Variants in C1QTNF7 observed in about 807,000 individuals in gnomAD.
C1QTNF7 encodes the protein complement C1q tumor necrosis factor-related protein 7.
A neutral mutation model predicts 19.6 loss-of-function variants in C1QTNF7; 15 were observed. The observed-to-expected ratio is 0.76, with a 90% CI of 0.51 to 1.18. C1QTNF7 has a LOEUF of 1.18. C1QTNF7 is among the 50% of genes most tolerant of loss of function. C1QTNF7 has a pLI of 0.00. For missense variants in C1QTNF7, 324 were observed against 359.7 expected (o/e 0.90, Z 0.80); for synonymous variants, 142 against 137.5 (o/e 1.03, Z -0.23).
At chr4:15,422,005 T>C (rs1290595022) in intron 1 of C1QTNF7, among the ~76,000 whole-genome samples, 4 of 152,010 alleles carry the variant, frequency 2.6e-5, no homozygotes, top group African/African-American at 7.2e-5. Context: ...AGATATATGA[T>C]CAGAGGTTGC....
At chr4:15,419,601 A>T (rs1470198228) in intron 1 of C1QTNF7, among the ~76,000 whole-genome samples, 1 of 152,246 alleles carries the variant, frequency 6.6e-6, no homozygotes, top group Non-Finnish European at 1.5e-5. Flanking sequence ...TGAGAAATAG[A>T]ACTAAATAAA....
At chr4:15,365,133 G>A (rs545102261) in intron 1 of C1QTNF7, among the ~76,000 whole-genome samples, 5 of 152,148 alleles carry the variant, frequency 3.3e-5, no homozygotes, top group African/African-American at 1.2e-4. Flanking sequence ...ACAAGCAAAC[G>A]AGCAGGTGTT....
chr4:15,441,831 C>T (rs563499084), intron 2 of C1QTNF7, among the ~76,000 whole-genome samples: 36 of 151,966 alleles, frequency 2.4e-4, no homozygotes, highest in Non-Finnish European at 5.0e-4. Flanking sequence ...ACCAGCCTGG[C>T]CAACATGGTG....
At chr4:15,354,985 G>T (rs952878762) in intron 1 of C1QTNF7, among the ~76,000 whole-genome samples, 1 of 152,114 alleles carries the variant, frequency 6.6e-6, no homozygotes, top group African/African-American at 2.4e-5. Flanking sequence ...GCCAGGGCGC[G>T]CTTTGGGGGA....
intron 1 of C1QTNF7, among the ~76,000 whole-genome samples, chr4:15,400,717 C>T (rs11731949): frequency 3.3e-5 from 5 of 152,158 alleles, no homozygotes; most frequent in Admixed American, 2.0e-4. Flanking sequence ...ATCAAAGAGG[C>T]TAAGTTAGGC....
At chr4:15,366,947 T>C (rs868018053) in intron 1 of C1QTNF7, among the ~76,000 whole-genome samples, 3 of 152,088 alleles carry the variant, frequency 2.0e-5, no homozygotes, top group East Asian at 1.9e-4. Context: ...AACTAAGAGA[T>C]TGGAAATTCA....
intron 1 of C1QTNF7, among the ~76,000 whole-genome samples, chr4:15,418,317 C>T (rs1711543390): frequency 6.6e-6 from 1 of 152,106 alleles, no homozygotes; most frequent in African/African-American, 2.4e-5. Context: ...CTCATGGAAC[C>T]CCATTGCTGT....
intron 1 of C1QTNF7, among the ~76,000 whole-genome samples, chr4:15,383,229 A>C (rs1201989013): frequency 6.6e-6 from 1 of 152,144 alleles, no homozygotes; most frequent in Non-Finnish European, 1.5e-5. Context: ...TGACAAATGC[A>C]ATCTCTTATC....
At chr4:15,356,102 C>CT (rs532103445) in intron 1 of C1QTNF7, among the ~76,000 whole-genome samples, 42 of 151,724 alleles carry the variant, frequency 2.8e-4, no homozygotes, top group Admixed American at 2.4e-3. Flanking sequence ...TTTTCAGTTT[C>CT]TTTTTTTTAT....
chr4:15,355,874 A>G (rs1339281313), intron 1 of C1QTNF7, among the ~76,000 whole-genome samples: 5 of 152,006 alleles, frequency 3.3e-5, no homozygotes, highest in Admixed American at 3.3e-4. Context: ...GTTTGTTTTT[A>G]AAAGACAGGG....
At chr4:15,431,040 AAGAT>A (rs1293579208) in intron 1 of C1QTNF7, among the ~76,000 whole-genome samples, 3 of 149,176 alleles carry the variant, frequency 2.0e-5, no homozygotes, top group Non-Finnish European at 4.4e-5. Context: ...TTTGTAGATT[AAGAT>A]AGATAGATGA....
At chr4:15,434,580 C>T (rs1712456389) in intron 1 of C1QTNF7, among the ~76,000 whole-genome samples, 1 of 152,148 alleles carries the variant, frequency 6.6e-6, no homozygotes, top group South Asian at 2.1e-4. Flanking sequence ...ACCCCAGAAC[C>T]ACCTGTATAT....
chr4:15,437,203 G>A (rs954016179), intron 2 of C1QTNF7, among the ~76,000 whole-genome samples: 9 of 152,002 alleles, frequency 5.9e-5, no homozygotes, highest in Non-Finnish European at 1.0e-4. Flanking sequence ...GGGTCTGGAA[G>A]CAATAATGTA....
intron 1 of C1QTNF7, among the ~76,000 whole-genome samples, chr4:15,402,677 A>G (rs1022981427): frequency 4.6e-5 from 7 of 152,246 alleles, no homozygotes; most frequent in African/African-American, 1.7e-4. Flanking sequence ...ACAAAGTTTT[A>G]AAAAGCAAAA....
rs570199903 is a variant in C1QTNF7 at position 15,410,362 on chromosome 4, CT to C, written c.14-25373del. 5.9e-3 allele frequency among the ~76,000 whole-genome samples: 898 copies of C among 152,282 alleles called. 4 individuals carry two copies. The highest frequency in any genetic ancestry group is 8.2e-3 in the Non-Finnish European group (560 of 68,020). ...GCATTTTGGTATATTTTCTGCCAGGCTGTTAACGTGTGAGCTTTATCATTAC... is the reference window on the plus strand; with the variant it reads ...GCATTTTGGTATATTTTCTGCCAGGCGTTAACGTGTGAGCTTTATCATTAC... On this transcript the variant is annotated intron_variant, in intron 1 of 2. Coordinates refer to the C1QTNF7 transcript ENST00000295297.
chr4:15,384,671 C>T (rs1718265799), intron 1 of C1QTNF7, among the ~76,000 whole-genome samples: 1 of 152,174 alleles, frequency 6.6e-6, no homozygotes, highest in African/African-American at 2.4e-5. Context: ...TAATCTAAAC[C>T]ATAGACCATT....
intron 1 of C1QTNF7, among the ~76,000 whole-genome samples, chr4:15,359,079 G>A (rs1717248561): frequency 3.9e-5 from 6 of 152,228 alleles, no homozygotes; most frequent in Admixed American, 3.3e-4. Flanking sequence ...CCTTGTTCTT[G>A]CCCAGCAAAC....
intron 1 of C1QTNF7, among the ~76,000 whole-genome samples, chr4:15,356,432 CCCTTTTTT>C (rs1717149666): frequency 6.6e-6 from 1 of 152,116 alleles, no homozygotes; most frequent in African/African-American, 2.4e-5. Flanking sequence ...CATGAACTCA[CCCTTTTTT>C]ATGGCTGCCT....
Position 15,446,065 on chromosome 4 carries a change from C to A in C1QTNF7, c.*3266C>A, listed in dbSNP as rs2108947177. 1 of 152,222 alleles carries A rather than the reference C, an allele frequency of 6.6e-6. No homozygotes were observed. The highest frequency in any genetic ancestry group is 6.5e-5 in the Admixed American group (1 of 15,294). The allele number at this position is 152,222 out of a possible 1,614,324, so 9.4% of individuals were successfully genotyped here. A position where few individuals can be genotyped will look rare whatever the true frequency, so the allele number is the denominator to read the frequency against. On this transcript the variant is annotated 3_prime_UTR_variant, in exon 3 of 3. Coordinates refer to ENST00000444304, the MANE Select transcript of C1QTNF7 (RefSeq NM_031911.5). ...TTTCCAGGTCATTTATCATTGTGAA[C>A]AGTGTTGCTTATGATAAAAAATAGA...
Sources: gnomAD v4.1 joint callset for allele counts (sites outside exome capture counted in the v4.1 genomes callset) on GRCh38, gnomAD v4.1.1 for gene constraint, MANE v1.5 for transcripts, NCBI Gene and HGNC (gene_info 2026-07-23, HGNC 2026-07-21) for gene names.